Variants in VPS37A observed in about 807,000 individuals in gnomAD.
VPS37A encodes the protein VPS37A subunit of ESCRT-I, also known as vacuolar protein sorting-associated protein 37A.
A neutral mutation model predicts 49.8 loss-of-function variants in VPS37A; 30 were observed. The ratio of observed to expected loss-of-function variants is 0.60; its 90% CI spans 0.45 to 0.82. The LOEUF is 0.82. Ranked by LOEUF, VPS37A falls within the 40% of genes least tolerant of loss-of-function variation. The probability of loss-of-function intolerance (pLI) is 0.00; values close to 1 mark genes in which losing one functional copy is unlikely to be tolerated. For missense variants in VPS37A, 593 were observed against 464.4 expected (o/e 1.28, Z -2.55); for synonymous variants, 195 against 160.6 (o/e 1.21, Z -1.62).
chr8:17,279,913 G>A, intron 6 of VPS37A, 115 bp from the exon 7 acceptor site: 5 of 1,358,092 alleles, frequency 3.7e-6, no homozygotes, highest in Non-Finnish European at 5.2e-6. Context: ...AGGTGTATAT[G>A]TAAAAATTAT....
rs1367976945 is a variant in VPS37A, at chr8:17,296,059, A to G, written c.*1073A>G. The G allele has an allele frequency of 6.6e-6, 1 of 152,222 alleles. No individual in the cohort carries two copies. The highest frequency in any genetic ancestry group is 1.5e-5 in the Non-Finnish European group (1 of 68,042). 9.4% of individuals were successfully genotyped at this position (152,222 alleles called of 1,614,324 possible). On this transcript the variant is annotated 3_prime_UTR_variant, in exon 12 of 12. Transcript: ENST00000324849. ...TTGGTAAGGTGCCATCTAAATTACA[A>G]AACAAACTAATGCATAATTTTGCTT... is the stretch of plus-strand genomic sequence containing the variant.
downstream of VPS37A, chr8:17,299,101 C>T (rs935962566): frequency 1.3e-5 from 2 of 152,084 alleles, no homozygotes; most frequent in African/African-American, 4.8e-5. Flanking sequence ...AAGGTTATTA[C>T]AAGAAAGCTG....
At chr8:17,316,827 G>C in the VPS37A span, among the ~76,000 whole-genome samples, 2 of 152,072 alleles carry the variant, frequency 1.3e-5, 1 homozygote, top group Non-Finnish European at 2.9e-5. Context: ...ATTATGTAAG[G>C]GACTTCTGCG....
chr8:17,247,945 A>G, intron 1 of VPS37A: 1 of 596,948 alleles, frequency 1.7e-6, no homozygotes, highest in Non-Finnish European at 3.0e-6. Flanking sequence ...CAGTGCATGT[A>G]CATTTCTCAC....
At chr8:17,256,033 A>G (rs1812414285) in intron 1 of VPS37A, among the ~76,000 whole-genome samples, 1 of 150,730 alleles carries the variant, frequency 6.6e-6, no homozygotes, top group Non-Finnish European at 1.5e-5. Flanking sequence ...TTTTTTCTTT[A>G]TTTTGGCAAT....
intron 2 of VPS37A, among the ~76,000 whole-genome samples, chr8:17,266,545 T>C (rs1333525889): frequency 6.6e-6 from 1 of 152,210 alleles, no homozygotes; most frequent in Non-Finnish European, 1.5e-5. Flanking sequence ...GAGGCTGTAG[T>C]GTGAAAAGGC....
chr8:17,305,547 G>C (rs558370509), downstream of VPS37A, among the ~76,000 whole-genome samples: 12 of 152,186 alleles, frequency 7.9e-5, no homozygotes, highest in South Asian at 1.7e-3. Context: ...GGCAGAAACT[G>C]AAGGAAAAAA....
intron 11 of VPS37A, among the ~76,000 whole-genome samples, chr8:17,292,333 C>T (rs1483718046): frequency 6.6e-6 from 1 of 152,146 alleles, no homozygotes; most frequent in Non-Finnish European, 1.5e-5. Context: ...AATCTTCCTC[C>T]ATCCCTTTAT....
chr8:17,310,940 G>A, the VPS37A span, among the ~76,000 whole-genome samples: 2 of 152,082 alleles, frequency 1.3e-5, no homozygotes, highest in African/African-American at 2.4e-5. Context: ...TGAAAGCAAC[G>A]TTACATTTGA....
chr8:17,273,712 C>G (rs769086610), intron 4 of VPS37A, among the ~76,000 whole-genome samples: 13 of 152,092 alleles, frequency 8.5e-5, no homozygotes, highest in South Asian at 2.1e-4. Flanking sequence ...CTTCCTTTTT[C>G]AGGCTTTTTT....
chr8:17,307,977 T>A, the VPS37A span, among the ~76,000 whole-genome samples: 1 of 152,004 alleles, frequency 6.6e-6, no homozygotes, highest in East Asian at 1.9e-4. Flanking sequence ...ACATGGCACA[T>A]GTATATATAT....
chr8:17,304,250 C>T, downstream of VPS37A: 1 of 978,990 alleles, frequency 1.0e-6, no homozygotes, highest in Non-Finnish European at 1.4e-6. Context: ...TCAAGCATCT[C>T]CCTCTGGTGT....
At chr8:17,305,641 G>A, downstream of VPS37A, 1 of 803,752 alleles carries the variant, frequency 1.2e-6, no homozygotes, top group South Asian at 1.8e-5. Flanking sequence ...TAATCTGTCA[G>A]TATAGGTATG....
At chr8:17,309,664 G>A in the VPS37A span, among the ~76,000 whole-genome samples, 5 of 152,174 alleles carry the variant, frequency 3.3e-5, no homozygotes, top group African/African-American at 7.2e-5. Flanking sequence ...AGGGGAAACC[G>A]AAGGAAAGAG....
intron 1 of VPS37A, among the ~76,000 whole-genome samples, chr8:17,262,738 C>G (rs1813072293): frequency 6.6e-6 from 1 of 151,936 alleles, no homozygotes; most frequent in South Asian, 2.1e-4. Flanking sequence ...AATAGTATGA[C>G]CATATACTAC....
intron 1 of VPS37A, among the ~76,000 whole-genome samples, chr8:17,265,276 A>G (rs191964586): frequency 1.3e-5 from 2 of 152,320 alleles, no homozygotes; most frequent in Admixed American, 1.3e-4. Flanking sequence ...TCCCTTTAAG[A>G]TATTTTCCTA....
At chr8:17,261,369 A>AT (rs1274781504) in intron 1 of VPS37A, among the ~76,000 whole-genome samples, 2 of 152,076 alleles carry the variant, frequency 1.3e-5, no homozygotes, top group African/African-American at 2.4e-5. Flanking sequence ...AAATTTCTGA[A>AT]TTTTTTGTTT....
the VPS37A span, among the ~76,000 whole-genome samples, chr8:17,315,828 G>C: frequency 6.6e-6 from 1 of 152,102 alleles, no homozygotes. Context: ...CCTATATAAA[G>C]TAGTGAGACT....
At chr8:17,255,860 G>C (rs1812400952) in intron 1 of VPS37A, among the ~76,000 whole-genome samples, 1 of 152,280 alleles carries the variant, frequency 6.6e-6, no homozygotes, top group South Asian at 2.1e-4. Context: ...TGCTGTAAAT[G>C]ACAGGATTTC....
Sources: allele counts gnomAD v4.1 joint callset (sites outside exome capture counted in the v4.1 genomes callset), GRCh38; gene constraint gnomAD v4.1.1; transcripts MANE v1.5; gene names NCBI Gene and HGNC (gene_info 2026-07-23, HGNC 2026-07-21).